Variants in RBPJL observed in about 807,000 individuals in gnomAD.
RBPJL encodes recombining binding protein suppressor of hairless-like protein.
A neutral mutation model predicts 57.6 loss-of-function variants in RBPJL; 50 were observed. The ratio of observed to expected loss-of-function variants is 0.87; its 90% CI spans 0.69 to 1.10. RBPJL has a LOEUF of 1.10. Ranked by LOEUF, RBPJL falls within the 50% of genes least tolerant of loss-of-function variation. RBPJL has a pLI of 0.00. For missense variants in RBPJL, 684 were observed against 693.7 expected, an observed-to-expected ratio of 0.99 and a Z score of 0.16; for synonymous variants, 303 against 294.4, an observed-to-expected ratio of 1.03 and a Z score of -0.30.
chr20:45,317,034 C>G lies in RBPJL; in HGVS notation c.*75C>G. Reference sequence around the variant, plus strand: ...AGGCGCGGGGACGTGTTTCTGGGTTCTAGGCCCTGCTTCCTTGCCCCTTTG... The same window carrying G: ...AGGCGCGGGGACGTGTTTCTGGGTTGTAGGCCCTGCTTCCTTGCCCCTTTG... On this transcript the variant is annotated 3_prime_UTR_variant, in exon 12 of 12. Transcript: ENST00000343694. 6.7e-7 allele frequency: 1 copy of G among 1,502,392 alleles called. No individual in the cohort carries two copies. The highest frequency in any genetic ancestry group is 8.9e-7 in the Non-Finnish European group (1 of 1,117,922). The allele number at this position is 1,502,392 out of a possible 1,614,324, so 93.1% of individuals were successfully genotyped here.
Position 45,316,462 on chromosome 20 carries a change from C to T in RBPJL, c.1177-15C>T, listed in dbSNP as rs772186202. On this transcript the variant is annotated splice_polypyrimidine_tract_variant and intron_variant, in intron 10 of 11. Coordinates refer to ENST00000343694, the MANE Select transcript of RBPJL (RefSeq NM_014276.4). ...ACTTGGTTCTCTCACCTCACCTGGT[C>T]CCACCCTCCCCCAGCTGAGCGGCGG... 2.6e-6 allele frequency: 4 copies of T among 1,551,260 alleles called. No homozygotes were observed. The highest frequency in any genetic ancestry group is 2.6e-6 in the Non-Finnish European group (3 of 1,146,908).
chr20:45,316,933 A>C lies in RBPJL; in HGVS notation c.1528A>C (p.Asn510His), dbSNP rs199904334. Reference protein sequence around the residue: ...ESIHQEFTRTNFHLFIQT With the variant: ...ESIHQEFTRTHFHLFIQT The stretch of plus-strand genomic sequence containing the variant: ...CATCCATCAGGAGTTCACGCGCACC[A>C]ACTTCCACCTCTTCATCCAGACTTA... Residue 510 changes from asparagine to histidine, a missense_variant, in exon 12 of 12, where the codon AAC (asparagine) becomes CAC (histidine). By Grantham distance (68) the Asn-to-His change is moderately conservative. Coordinates refer to ENST00000343694, the MANE Select transcript of RBPJL (RefSeq NM_014276.4). 556 of 1,612,578 alleles carry C rather than the reference A, an allele frequency of 3.4e-4. No individual in the cohort carries two copies. Among genetic ancestry groups the C allele is most frequent in the Non-Finnish European group, 4.5e-4 (527 of 1,179,046 alleles).
intron 1 of RBPJL, 64 bp downstream of exon 1, chr20:45,307,008 C>CA: frequency 9.9e-7 from 1 of 1,006,858 alleles, no homozygotes; most frequent in East Asian, 3.3e-5. Context: ...ACCACCCCCC[C>CA]ACCCCCTCCC....
intron 6 of RBPJL, 75 bp downstream of exon 6, chr20:45,312,470 C>T (rs1359948149): frequency 1.4e-6 from 2 of 1,458,590 alleles, no homozygotes; most frequent in Middle Eastern, 2.4e-4. Context: ...AACTGGGGCG[C>T]GGAGGTGGGG....
intron 4 of RBPJL, 66 bp from the exon 5 acceptor site, chr20:45,311,773 C>A (rs920780978): frequency 4.2e-5 from 65 of 1,533,020 alleles, no homozygotes; most frequent in Non-Finnish European, 5.2e-5. Context: ...TGGCGGCGAG[C>A]GCTAAGCTTG....
chr20:45,314,057 A>G lies in RBPJL; in HGVS notation c.780A>G (p.Gly260=). Residue 260 remains glycine, a synonymous_variant, in exon 8 of 12, where the codon GGA becomes GGG. Coordinates refer to ENST00000343694, the MANE Select transcript of RBPJL (RefSeq NM_014276.4). ...CAGCTGATGGGCACTCTGCCCAAGG[A>G]GACTTCCCACCGCGAGAGGGCTACG... The part of the protein sequence containing the change: ...LHLADGHSAQ[G]DFPPREGYVR... 6.2e-7 allele frequency: 1 copy of G among 1,614,148 alleles called. No individual in the cohort carries two copies. Among genetic ancestry groups the G allele is most frequent in the Non-Finnish European group, 8.5e-7 (1 of 1,179,984 alleles).
At position 45,309,579 on chromosome 20, in the gene RBPJL, G is replaced by C. The variant is rs768292789; in HGVS notation, c.144G>C (p.Glu48Asp). 6.2e-7 allele frequency: 1 copy of C among 1,611,134 alleles called. No homozygotes were observed. Among genetic ancestry groups the C allele is most frequent in the Non-Finnish European group, 8.5e-7 (1 of 1,178,684 alleles). Residue 48 changes from glutamate (E) to aspartate (D), a missense_variant, in exon 3 of 12, where the codon GAG becomes GAC. Transcript: ENST00000343694. ...GCCCTACTCCCAGGTCATCCCCAGA[G>C]CACACCACCATTCTGAGGGGAGGCG... ...LPGTWTRSSP[E>D]HTTILRGGVR...
chr20:45,312,141 C>A, intron 5 of RBPJL, 80 bp from the exon 6 acceptor site: 1 of 1,593,930 alleles, frequency 6.3e-7, no homozygotes, highest in Non-Finnish European at 8.6e-7. Flanking sequence ...ACGGGGCGGA[C>A]GTCCGATATC....
chr20:45,311,996 C>G (rs1172845617), intron 5 of RBPJL, 42 bp downstream of exon 5: 5 of 1,485,966 alleles, frequency 3.4e-6, no homozygotes, highest in Non-Finnish European at 4.6e-6. Context: ...GCTCCCATCC[C>G]TGCCTCTCCT....
At position 45,311,637 on chromosome 20, in the gene RBPJL, G is replaced by T. The variant is rs1339158046; in HGVS notation, c.306G>T (p.Arg102Ser). Residue 102 changes from arginine to serine, a missense_variant, in exon 4 of 12, where the codon AGG (arginine) becomes AGT (serine). Coordinates refer to ENST00000343694, the MANE Select transcript of RBPJL (RefSeq NM_014276.4). Reference sequence around the variant, plus strand: ...TCTACCTCTCGGGGCCTGGCTGGAGGGTGAAGCCAGGGCAGGATCAAGGTG... The same window carrying T: ...TCTACCTCTCGGGGCCTGGCTGGAGTGTGAAGCCAGGGCAGGATCAAGGTG... ...PCVYLSGPGW[R>S]VKPGQDQAHQ... 4 of 1,614,084 alleles carry T rather than the reference G, an allele frequency of 2.5e-6. No individual in the cohort carries two copies. The African/African-American group carries it at 5.3e-5, about 22-fold the overall frequency.
chr20:45,312,273 A>T lies in RBPJL; in HGVS notation c.497A>T (p.His166Leu). ...LYISDADKRK[H>L]FRLVLRLVLR... Reference sequence around the variant, plus strand: ...ATCTCAGATGCAGACAAGAGGAAGCACTTTCGGCTGGTGCTGCGGCTGGTG... The same window carrying T: ...ATCTCAGATGCAGACAAGAGGAAGCTCTTTCGGCTGGTGCTGCGGCTGGTG... Residue 166 changes from histidine to leucine, a missense_variant, in exon 6 of 12, where the codon CAC becomes CTC. Coordinates refer to ENST00000343694, the MANE Select transcript of RBPJL (RefSeq NM_014276.4). The T allele has an allele frequency of 6.2e-7, 1 of 1,614,216 alleles. No individual in the cohort carries two copies. Among genetic ancestry groups the T allele is most frequent in the South Asian group, 1.1e-5 (1 of 91,090 alleles).
chr20:45,317,051 G>T lies in RBPJL; in HGVS notation c.*92G>T, dbSNP rs1257196019. On this transcript the variant is annotated 3_prime_UTR_variant, in exon 12 of 12. Transcript: ENST00000343694. ...TCTGGGTTCTAGGCCCTGCTTCCTT[G>T]CCCCTTTGCTGCAGAAGGGCAGCTG... The T allele has an allele frequency of 4.1e-6, 6 of 1,457,462 alleles. No individual in the cohort carries two copies. Among genetic ancestry groups the T allele is most frequent in the Non-Finnish European group, 4.6e-6 (5 of 1,086,680 alleles). 90.3% of individuals were successfully genotyped at this position (1,457,462 alleles called of 1,614,324 possible).
rs923249010 is a variant in RBPJL, at chr20:45,313,571, T to G, written c.723T>G (p.Ser241Arg). Reference protein sequence around the residue: ...LSVEDGAFVASARQWAAFTLH... With the variant: ...LSVEDGAFVARARQWAAFTLH... ...TGGAGGATGGGGCCTTTGTGGCCAG[T>G]GCACGACAGTGGGCTGCCTTCACGC... The change falls in exon 7 of 12, where the codon AGT becomes AGG. Residue 241 changes from serine to arginine, a missense_variant. By Grantham distance (110) the Ser-to-Arg change is moderately radical. Transcript: ENST00000343694. The G allele has an allele frequency of 5.0e-6, 8 of 1,613,326 alleles. No homozygotes were observed. The highest frequency in any genetic ancestry group is 6.8e-6 in the Non-Finnish European group (8 of 1,179,564).
intron 1 of RBPJL, among the ~76,000 whole-genome samples, chr20:45,307,417 TG>T (rs917543184): frequency 5.3e-5 from 8 of 152,080 alleles, no homozygotes; most frequent in African/African-American, 1.9e-4. Context: ...GGGCCCGTCG[TG>T]GGAGGGTGAC....
intron 9 of RBPJL, 109 bp from the exon 10 acceptor site, chr20:45,316,078 G>T: frequency 9.7e-7 from 1 of 1,036,164 alleles, no homozygotes; most frequent in South Asian, 1.5e-5. Flanking sequence ...CAGAGCCTAG[G>T]ATTAGTATCC....
Position 45,316,217 on chromosome 20 carries a change from G to C in RBPJL, c.1051G>C (p.Ala351Pro), listed in dbSNP as rs759407444. 1.2e-6 allele frequency: 2 copies of C among 1,614,218 alleles called. No individual in the cohort carries two copies. Among genetic ancestry groups the C allele is most frequent in the East Asian group, 4.5e-5 (2 of 44,888 alleles). Residue 351 changes from alanine (A) to proline (P), a missense_variant, in exon 10 of 12, where the codon GCT (alanine) becomes CCT (proline). Physicochemically the swap from Ala to Pro is conservative, Grantham distance 27 (BLOSUM62 -1). Coordinates refer to ENST00000343694, the MANE Select transcript of RBPJL (RefSeq NM_014276.4). ...TCCCTGCCCCAAGGAGGCGAACAGGGCTCTGCTTAACGACAGCTCTTGCTG... is the reference window on the plus strand; with the variant it reads ...TCCCTGCCCCAAGGAGGCGAACAGGCCTCTGCTTAACGACAGCTCTTGCTG... ...ASPCPKEANR[A>P]LLNDSSCWTI...
rs1987522858 is a variant in RBPJL at position 45,317,219 on chromosome 20, A to C, written c.*260A>C. 1.3e-5 allele frequency: 7 copies of C among 530,168 alleles called. No homozygotes were observed. The highest frequency in any genetic ancestry group is 2.7e-5 in the South Asian group (1 of 36,942). 32.8% of individuals were successfully genotyped at this position (530,168 alleles called of 1,614,324 possible). ...GCTCTCCCTGTCTTCATTTCTTCTC[A>C]CTCTGTCTCTAAACCTCTCTCTCTC... On this transcript the variant is annotated 3_prime_UTR_variant, in exon 12 of 12. Transcript: ENST00000343694.
chr20:45,316,968 G>T lies in RBPJL; in HGVS notation c.*9G>T. 6.2e-7 allele frequency: 1 copy of T among 1,605,806 alleles called. No individual in the cohort carries two copies. The highest frequency in any genetic ancestry group is 1.1e-5 in the South Asian group (1 of 90,682). On this transcript the variant is annotated 3_prime_UTR_variant, in exon 12 of 12. Coordinates refer to ENST00000343694, the MANE Select transcript of RBPJL (RefSeq NM_014276.4). ...TCTTCATCCAGACTTAGGCGCGCCC[G>T]GTAGCCCCGGCTGCCCACCCTGGAG...
At chr20:45,313,697 C>A in intron 7 of RBPJL, 92 bp downstream of exon 7, 3 of 1,322,280 alleles carry the variant, frequency 2.3e-6, no homozygotes, top group Non-Finnish European at 3.1e-6. Flanking sequence ...GTAAACTCTG[C>A]CCCATGTGAT....
Sources: gnomAD v4.1 joint callset for allele counts (sites outside exome capture counted in the v4.1 genomes callset) on GRCh38, gnomAD v4.1.1 for gene constraint, MANE v1.5 for transcripts, NCBI Gene and HGNC (gene_info 2026-07-23, HGNC 2026-07-21) for gene names.